The following PAK6 variants were observed in gnomAD, a reference collection of about 807,000 sequenced individuals.
PAK6 encodes p21 (RAC1) activated kinase 6.
Under a neutral mutation model 60.8 loss-of-function variants are expected in PAK6, and 33 were observed. The ratio of observed to expected loss-of-function variants is 0.54; its 90% CI spans 0.41 to 0.73. PAK6 has a LOEUF of 0.73. Among genes scored for constraint, PAK6 ranks in the 30% least tolerant of loss-of-function variants. The probability of loss-of-function intolerance (pLI) is 0.00; values close to 1 mark genes in which losing one functional copy is unlikely to be tolerated. For synonymous variants in PAK6, 404 were observed against 378.5 expected, an observed-to-expected ratio of 1.07 and a Z score of -0.78; for missense variants, 845 against 904.1, an observed-to-expected ratio of 0.93 and a Z score of 0.84.
chr15:40,276,172 T>C (rs777539725), exon 11 of PAK6: 1 of 1,314,144 alleles, frequency 7.6e-7, no homozygotes, highest in Non-Finnish European at 1.1e-6. Context: ...AGGACTTGCC[T>C]GCCTCCTCCT....
At chr15:40,258,664 G>C (rs1397955633) in intron 3 of PAK6, 2 of 152,400 alleles carry the variant, frequency 1.3e-5, no homozygotes, top group African/African-American at 4.8e-5. Flanking sequence ...AGGTTTACTG[G>C]GGGTAGCAGC....
Position 40,266,319 on chromosome 15 carries a change from C to T in PAK6, c.682C>T (p.Arg228Trp), listed in dbSNP as rs756792521. 3.2e-5 allele frequency: 52 copies of T among 1,611,790 alleles called. No individual in the cohort carries two copies. Among genetic ancestry groups the T allele is most frequent in the African/African-American group, 4.0e-5 (3 of 74,914 alleles). The stretch of plus-strand genomic sequence containing the variant: ...TGCCAAGCATGGCTCTGAGGAGGCC[C>T]GGCCACAGTCCTGCCTGGTGGGCTC... Residue 228 changes from arginine (R) to tryptophan (W), a missense_variant, in exon 5 of 11, where the codon CGG (arginine) becomes TGG (tryptophan). Transcript: ENST00000560346.
chr15:40,265,430 C>T (rs773484515), intron 4 of PAK6, among the ~76,000 whole-genome samples: 4 of 152,164 alleles, frequency 2.6e-5, no homozygotes, highest in Non-Finnish European at 5.9e-5. Context: ...TTGGAGGCTG[C>T]GAAGCCAGTG....
In PAK6 at chr15:40,252,570, G is replaced by A. The variant is rs191930557; in HGVS notation, c.-117-608G>A. The stretch of plus-strand genomic sequence containing the variant: ...ATCAAAATCGCGGTCAGGTGAAGCC[G>A]GCGCTGCACCAACGTGTAAGCGCGG... On this transcript the variant is annotated intron_variant, in intron 2 of 10. Transcript: ENST00000560346. The A allele has an allele frequency of 4.4e-6, 6 of 1,359,360 alleles. No homozygotes were observed. In the Admixed American group the frequency reaches 5.7e-5, roughly 13 times the overall value. The allele number at this position is 1,359,360 out of a possible 1,614,324, so 84.2% of individuals were successfully genotyped here.
intron 3 of PAK6, among the ~76,000 whole-genome samples, chr15:40,255,468 C>T (rs1263707104): frequency 6.6e-6 from 1 of 152,178 alleles, no homozygotes; most frequent in African/African-American, 2.4e-5. Flanking sequence ...AGGGCCTCTC[C>T]GCACTTCAGC....
rs145647822 is a variant in PAK6, at chr15:40,272,639, G to A, written c.1274G>A (p.Arg425Gln). The change falls in exon 6 of 11, where the codon CGG (arginine) becomes CAG (glutamine). Residue 425 changes from arginine (R) to glutamine (Q), a missense_variant. Arg to Gln is a conservative substitution (Grantham distance 43, BLOSUM62 1). Coordinates refer to ENST00000560346, the Ensembl canonical transcript of PAK6. ...TCCACCGGCATCGTCTGCTTGGCCC[G>A]GGAGAAGCACTCGGGCCGCCAGGTG... 1,952 of 1,609,126 alleles carry A rather than the reference G, an allele frequency of 1.2e-3. 2 individuals carry two copies. The highest frequency in any genetic ancestry group is 1.4e-3 in the Non-Finnish European group (1,696 of 1,179,332).
intron 3 of PAK6, among the ~76,000 whole-genome samples, chr15:40,255,778 G>T (rs2038817220): frequency 6.6e-6 from 1 of 152,164 alleles, no homozygotes; most frequent in African/African-American, 2.4e-5. Flanking sequence ...AGGGGCTGCA[G>T]GGGGAGCTTT....
At chr15:40,262,989 G>C (rs922277371) in intron 3 of PAK6, among the ~76,000 whole-genome samples, 1 of 152,176 alleles carries the variant, frequency 6.6e-6, no homozygotes, top group African/African-American at 2.4e-5. Flanking sequence ...CTACCTCTAG[G>C]GGGTGTTCGG....
intron 3 of PAK6, 34 bp from the exon 4 acceptor site, chr15:40,264,747 C>T (rs372121594): frequency 1.8e-5 from 29 of 1,596,172 alleles, no homozygotes; most frequent in African/African-American, 6.7e-5. Flanking sequence ...CCCTCTTTCC[C>T]GGGAGGGAGC....
intron 5 of PAK6, among the ~76,000 whole-genome samples, chr15:40,271,501 G>A (rs1445463221): frequency 5.3e-5 from 8 of 152,116 alleles, no homozygotes; most frequent in East Asian, 1.9e-4. Context: ...CCCCATCCCT[G>A]GCCTCAAGGC....
chr15:40,265,706 G>A (rs2039106991), intron 4 of PAK6, 136 bp from the exon 5 acceptor site: 1 of 695,294 alleles, frequency 1.4e-6, no homozygotes, highest in East Asian at 3.1e-5. Flanking sequence ...ATTAATGGGT[G>A]GATGACACAG....
exon 7 of PAK6, chr15:40,272,955 G>A: frequency 2.5e-6 from 4 of 1,614,028 alleles, no homozygotes; most frequent in East Asian, 2.2e-5. Flanking sequence ...TGCTCATGGA[G>A]TTCCTGCAGG....
intron 3 of PAK6, among the ~76,000 whole-genome samples, chr15:40,262,445 A>G (rs1303843075): frequency 6.6e-6 from 1 of 152,212 alleles, no homozygotes; most frequent in Non-Finnish European, 1.5e-5. Context: ...TGGAGGTTGC[A>G]GTGAGCCCAG....
chr15:40,252,626 C>T (rs966016707), intron 2 of PAK6: 3 of 1,340,956 alleles, frequency 2.2e-6, no homozygotes, highest in Non-Finnish European at 3.0e-6. Flanking sequence ...GCCGAGGTCC[C>T]TCCCGCGGAG....
At chr15:40,274,986 T>A (rs2039408862) in intron 10 of PAK6, among the ~76,000 whole-genome samples, 1 of 152,222 alleles carries the variant, frequency 6.6e-6, no homozygotes, top group African/African-American at 2.4e-5. Flanking sequence ...CAAAGCTGGA[T>A]GGGAGGACCA....
In PAK6 at chr15:40,269,814, T is replaced by TGCAGCA. The variant is rs956357091; in HGVS notation, c.859-2397_859-2392dup. On this transcript the variant is annotated intron_variant, in intron 5 of 10. Coordinates refer to ENST00000560346, the Ensembl canonical transcript of PAK6. The stretch of plus-strand genomic sequence containing the variant: ...CTCCGCCCTGAGCCCAGCCAGCACC[T>TGCAGCA]GCAGCAGCAGCAGCAGCACAGGGAC... Among the ~76,000 whole-genome samples the TGCAGCA allele has an allele frequency of 1.4e-4, 21 of 152,160 alleles. No individual in the cohort carries two copies. The South Asian group carries it at 1.7e-3, about 12-fold the overall frequency.
intron 3 of PAK6, chr15:40,264,368 A>G (rs2039062931): frequency 2.2e-6 from 1 of 453,974 alleles, no homozygotes. Flanking sequence ...TTTAAGAATC[A>G]AGGTCATACT....
intron 5 of PAK6, chr15:40,266,828 C>G: frequency 3.7e-6 from 1 of 270,896 alleles, no homozygotes. Context: ...GCTTCAGACG[C>G]ACATTTTTCT....
At chr15:40,260,559 T>C (rs149261659) in intron 3 of PAK6, among the ~76,000 whole-genome samples, 89 of 152,342 alleles carry the variant, frequency 5.8e-4, no homozygotes, top group African/African-American at 2.0e-3. Flanking sequence ...TTCTAATAAA[T>C]CTTAATATCT....
Sources: gnomAD v4.1 joint callset for allele counts (sites outside exome capture counted in the v4.1 genomes callset) on GRCh38, gnomAD v4.1.1 for gene constraint, MANE v1.5 for transcripts, NCBI Gene and HGNC (gene_info 2026-07-23, HGNC 2026-07-21) for gene names.